The following SEMA3E variants were observed in gnomAD, a reference collection of about 807,000 sequenced individuals.
The protein encoded by SEMA3E is semaphorin-3E.
Under a neutral mutation model 93.6 loss-of-function variants are expected in SEMA3E, and 49 were observed. The ratio of observed to expected loss-of-function variants is 0.52; its 90% confidence interval spans 0.42 to 0.66. The LOEUF is 0.66. Ranked by LOEUF, SEMA3E falls within the 30% of genes least tolerant of loss-of-function variation. SEMA3E has a pLI of 0.00. For missense variants in SEMA3E, 906 were observed against 964.8 expected (o/e 0.94, Z 0.81); for synonymous variants, 363 against 330.7 (o/e 1.10, Z -1.06).
intron 1 of SEMA3E, among the ~76,000 whole-genome samples, chr7:83,552,060 C>T (rs190040779): frequency 2.4e-3 from 365 of 152,236 alleles, no homozygotes; most frequent in African/African-American, 8.6e-3. Flanking sequence ...TAATGCCCTA[C>T]CATAGTTCTG....
intron 1 of SEMA3E, among the ~76,000 whole-genome samples, chr7:83,613,330 A>C (rs992311097): frequency 3.9e-5 from 6 of 152,088 alleles, no homozygotes; most frequent in Non-Finnish European, 7.4e-5. Flanking sequence ...ACATGGAAGG[A>C]ATTATCAATT....
intron 2 of SEMA3E, among the ~76,000 whole-genome samples, chr7:83,489,659 C>T (rs1287746572): frequency 6.6e-6 from 1 of 152,020 alleles, no homozygotes; most frequent in African/African-American, 2.4e-5. Flanking sequence ...ATAAGTTACT[C>T]CACCCACCAA....
In SEMA3E at chr7:83,463,582, C is replaced by T. The variant is rs1160391539; in HGVS notation, c.456+2900G>A. Among the ~76,000 whole-genome samples, 819 of 152,052 alleles carry T rather than the reference C, an allele frequency of 5.4e-3. 7 individuals are homozygous for T. The highest frequency in any genetic ancestry group is 0.018 in the African/African-American group (749 of 41,478). ...GACTGTATCTCTCTGATCCACCTGA[C>T]ATTCACCCCATTTCCCCAAATTTCC... On this transcript the variant is annotated intron_variant, in intron 4 of 16. Coordinates refer to ENST00000643230, the MANE Select transcript of SEMA3E (RefSeq NM_012431.3).
chr7:83,412,099 C>T (rs890077863), intron 5 of SEMA3E, among the ~76,000 whole-genome samples: 2 of 152,132 alleles, frequency 1.3e-5, no homozygotes, highest in African/African-American at 4.8e-5. Context: ...AACTGCCAAG[C>T]TTTTATGTTC....
At chr7:83,396,140 C>G (rs62458482) in intron 12 of SEMA3E, among the ~76,000 whole-genome samples, 18,343 of 151,666 alleles carry the variant, frequency 0.12, 1,233 homozygotes, top group Non-Finnish European at 0.15. Context: ...TGTATACACA[C>G]GTGCACCTAT....
At chr7:83,636,433 AATAG>A (rs1267876806) in intron 1 of SEMA3E, among the ~76,000 whole-genome samples, 1 of 152,178 alleles carries the variant, frequency 6.6e-6, no homozygotes, top group African/African-American at 2.4e-5. Context: ...CACTAGTGTG[AATAG>A]ATATAGATAT....
rs200688368 is a variant in SEMA3E, at chr7:83,408,441, G to A, written c.597C>T (p.Asp199=). ...GCCCCATGCTGCGGAAGATCGCAGC[G>A]TCTCTGCTCCAGTAGTCACTGTAGA... ...AGLYSDYWSR[D]AAIFRSMGRL... The change falls in exon 6 of 17, where the codon GAC becomes GAT. Residue 199 remains aspartate (D), a synonymous_variant. Coordinates refer to ENST00000643230, the MANE Select transcript of SEMA3E (RefSeq NM_012431.3). 27 of 1,613,514 alleles carry A rather than the reference G, an allele frequency of 1.7e-5. No homozygotes were observed. The highest frequency in any genetic ancestry group is 2.0e-5 in the Non-Finnish European group (24 of 1,179,742).
intron 11 of SEMA3E, among the ~76,000 whole-genome samples, chr7:83,398,112 C>CT (rs1788161095): frequency 6.6e-6 from 1 of 152,026 alleles, no homozygotes; most frequent in South Asian, 2.1e-4. Flanking sequence ...TAAACATGTT[C>CT]TTTTTTCTGA....
intron 1 of SEMA3E, among the ~76,000 whole-genome samples, chr7:83,565,995 C>CTTCTTTTTTT (rs1792141451): frequency 1.8e-5 from 2 of 112,740 alleles, no homozygotes; most frequent in African/African-American, 7.2e-5. Context: ...TGTTTCCACT[C>CTTCTTTTTTT]TTTTTTTTTT....
At chr7:83,471,450 T>C (rs1028932170) in intron 2 of SEMA3E, among the ~76,000 whole-genome samples, 1 of 151,974 alleles carries the variant, frequency 6.6e-6, no homozygotes, top group African/African-American at 2.4e-5. Context: ...TGAATTACCT[T>C]GTTGCCTCTC....
intron 1 of SEMA3E, among the ~76,000 whole-genome samples, chr7:83,628,810 C>A (rs763746010): frequency 1.3e-5 from 2 of 152,056 alleles, no homozygotes; most frequent in Non-Finnish European, 2.9e-5. Flanking sequence ...CATTCTCCAT[C>A]CATTTTTCTT....
intron 4 of SEMA3E, among the ~76,000 whole-genome samples, chr7:83,432,459 T>C (rs1788906717): frequency 6.6e-6 from 1 of 152,200 alleles, no homozygotes; most frequent in African/African-American, 2.4e-5. Context: ...TCTCACACTT[T>C]GCTAATAAAA....
At chr7:83,393,244 G>A (rs775928606) in intron 13 of SEMA3E, among the ~76,000 whole-genome samples, 2 of 151,868 alleles carry the variant, frequency 1.3e-5, no homozygotes, top group Non-Finnish European at 2.9e-5. Context: ...CTATAGAAAC[G>A]GCTGGGTTTA....
chr7:83,456,754 C>A (rs1417548271), intron 4 of SEMA3E, among the ~76,000 whole-genome samples: 1 of 152,020 alleles, frequency 6.6e-6, no homozygotes, highest in African/African-American at 2.4e-5. Flanking sequence ...GTCAGGATTA[C>A]AGATGCCGGC....
At chr7:83,601,171 GA>G (rs903000076) in intron 1 of SEMA3E, among the ~76,000 whole-genome samples, 17 of 152,298 alleles carry the variant, frequency 1.1e-4, no homozygotes, top group African/African-American at 3.8e-4. Context: ...AGATCTTCTA[GA>G]AGGGACACAG....
intron 16 of SEMA3E, 42 bp downstream of exon 16, chr7:83,385,252 A>C: frequency 1.2e-6 from 2 of 1,607,828 alleles, no homozygotes; most frequent in South Asian, 2.2e-5. Context: ...ATCACACACT[A>C]TATGCAAAAT....
chr7:83,637,556 G>C (rs899249742), intron 1 of SEMA3E, among the ~76,000 whole-genome samples: 10 of 152,088 alleles, frequency 6.6e-5, no homozygotes, highest in African/African-American at 2.4e-4. Context: ...GAATTATGAA[G>C]GCAGTTTCCC....
intron 16 of SEMA3E, among the ~76,000 whole-genome samples, chr7:83,376,426 T>TTA (rs1442321178): frequency 1.3e-5 from 2 of 152,090 alleles, no homozygotes; most frequent in African/African-American, 4.8e-5. Flanking sequence ...ATTGTTTCAT[T>TTA]TTTGTAGAAG....
chr7:83,512,301 T>G (rs1790840963), intron 1 of SEMA3E, among the ~76,000 whole-genome samples: 1 of 152,214 alleles, frequency 6.6e-6, no homozygotes, highest in Non-Finnish European at 1.5e-5. Flanking sequence ...AGAAAGTCTT[T>G]GGAGAGGAGC....
Sources: allele counts gnomAD v4.1 joint callset (sites outside exome capture counted in the v4.1 genomes callset), GRCh38; gene constraint gnomAD v4.1.1; transcripts MANE v1.5; gene names NCBI Gene and HGNC (gene_info 2026-07-23, HGNC 2026-07-21).